The following GNAQ variants were observed in gnomAD, a reference collection of about 807,000 sequenced individuals.
The protein encoded by GNAQ is G protein subunit alpha q.
GNAQ carries 8 observed loss-of-function variants against 43.9 expected under a neutral mutation model. The observed-to-expected ratio is 0.18, with a 90% CI of 0.11 to 0.33. The LOEUF is 0.33. GNAQ is among the 10% of genes least tolerant of loss of function. The pLI, the probability that GNAQ is intolerant of heterozygous loss-of-function variation, is 1.00. For synonymous variants in GNAQ, 155 were observed against 170.7 expected, an observed-to-expected ratio of 0.91 and a Z score of 0.71; for missense variants, 158 against 450.8, an observed-to-expected ratio of 0.35 and a Z score of 5.88.
At chr9:77,995,923 TA>T (rs1308532958) in intron 1 of GNAQ, among the ~76,000 whole-genome samples, 7 of 152,190 alleles carry the variant, frequency 4.6e-5, no homozygotes, top group Non-Finnish European at 1.0e-4. Context: ...TCTCTAGAAG[TA>T]AAAAACTAAG....
intron 2 of GNAQ, among the ~76,000 whole-genome samples, chr9:77,834,657 C>G (rs1004459740): frequency 1.3e-5 from 2 of 152,146 alleles, no homozygotes; most frequent in Admixed American, 6.5e-5. Context: ...CTGAAACAAT[C>G]AGATTCCCAG....
chr9:78,008,627 T>A (rs532993392), intron 1 of GNAQ, among the ~76,000 whole-genome samples: 1 of 151,874 alleles, frequency 6.6e-6, no homozygotes, highest in South Asian at 2.1e-4. Flanking sequence ...TTCATTTTAT[T>A]TTATTTTTTG....
At chr9:77,942,808 G>A (rs1457445958) in intron 1 of GNAQ, among the ~76,000 whole-genome samples, 4 of 152,184 alleles carry the variant, frequency 2.6e-5, no homozygotes, top group African/African-American at 7.2e-5. Context: ...ATCAATAGCT[G>A]TGTCTGGCTT....
chr9:77,841,207 A>G (rs1023499505), intron 2 of GNAQ, among the ~76,000 whole-genome samples: 6 of 152,246 alleles, frequency 3.9e-5, no homozygotes, highest in Admixed American at 1.3e-4. Flanking sequence ...CTATAAAAGA[A>G]AAAAAGAAAA....
intron 1 of GNAQ, among the ~76,000 whole-genome samples, chr9:77,931,604 A>C (rs1409653508): frequency 5.9e-5 from 9 of 152,168 alleles, no homozygotes; most frequent in Admixed American, 5.9e-4. Flanking sequence ...CAAAAAAAAA[A>C]AAAGAACTCT....
chr9:77,782,096 C>A (rs926480896), intron 5 of GNAQ, among the ~76,000 whole-genome samples: 1 of 151,910 alleles, frequency 6.6e-6, no homozygotes, highest in African/African-American at 2.4e-5. Flanking sequence ...CTGAAAAAAA[C>A]TAACTTAAAA....
intron 2 of GNAQ, among the ~76,000 whole-genome samples, chr9:77,861,800 G>A (rs1332714767): frequency 1.3e-5 from 2 of 152,114 alleles, no homozygotes; most frequent in East Asian, 1.9e-4. Flanking sequence ...AGGAGTTCGA[G>A]ACCAGCCTGG....
chr9:77,877,273 A>G (rs1828140367), intron 2 of GNAQ, among the ~76,000 whole-genome samples: 1 of 152,248 alleles, frequency 6.6e-6, no homozygotes, highest in Non-Finnish European at 1.5e-5. Context: ...TCCATGTCAT[A>G]GAAACTATCA....
intron 1 of GNAQ, among the ~76,000 whole-genome samples, chr9:77,932,851 AG>A (rs1829172072): frequency 2.0e-5 from 3 of 152,166 alleles, no homozygotes; most frequent in Non-Finnish European, 4.4e-5. Context: ...ACAAATTAGT[AG>A]GGTATTCCAA....
At chr9:77,984,049 CAAAAAAAAAAAAA>C (rs72279886) in intron 1 of GNAQ, among the ~76,000 whole-genome samples, 26 of 67,958 alleles carry the variant, frequency 3.8e-4, no homozygotes, top group Admixed American at 6.3e-4. Context: ...TTTTGGAGAG[CAAAAAAAAAAAAA>C]AAAAAAAAAA....
chr9:77,973,841 G>C (rs990745575), intron 1 of GNAQ, among the ~76,000 whole-genome samples: 1 of 151,712 alleles, frequency 6.6e-6, no homozygotes, highest in African/African-American at 2.4e-5. Flanking sequence ...TCATTTTCTG[G>C]GTCTTCATGT....
intron 2 of GNAQ, among the ~76,000 whole-genome samples, chr9:77,855,654 C>A (rs1827742394): frequency 6.6e-6 from 1 of 152,002 alleles, no homozygotes; most frequent in Non-Finnish European, 1.5e-5. Context: ...CAAATGCCAT[C>A]ACTCATGTTA....
At chr9:77,786,961 T>C (rs1030556355) in intron 5 of GNAQ, among the ~76,000 whole-genome samples, 1 of 152,114 alleles carries the variant, frequency 6.6e-6, no homozygotes, top group Admixed American at 6.6e-5. Flanking sequence ...AATGGGTAAG[T>C]AAATTGTGGA....
chr9:77,752,902 T>C lies in GNAQ; in HGVS notation c.736-24235A>G, dbSNP rs530423940. 9.9e-5 allele frequency among the ~76,000 whole-genome samples: 15 copies of C among 151,912 alleles called. No individual in the cohort carries two copies. The East Asian group carries it at 1.2e-3, about 12-fold the overall frequency. ...GAGATTGAGGCCATGCTGGCTAACA[T>C]GGTGAAATCCTGTCTCTACTAAAAA... On this transcript the variant is annotated intron_variant, in intron 5 of 6. Transcript: ENST00000286548.
chr9:77,782,995 G>C (rs1024728654), intron 5 of GNAQ, among the ~76,000 whole-genome samples: 1 of 152,182 alleles, frequency 6.6e-6, no homozygotes, highest in Non-Finnish European at 1.5e-5. Context: ...AGGGGGAAGG[G>C]AGAAATAAAT....
chr9:77,774,962 A>C (rs946588890), intron 5 of GNAQ, among the ~76,000 whole-genome samples: 6 of 152,204 alleles, frequency 3.9e-5, no homozygotes, highest in African/African-American at 1.4e-4. Flanking sequence ...GTCTGAATTA[A>C]TCTTCCAGGC....
At chr9:77,787,959 G>C (rs770277019) in intron 5 of GNAQ, among the ~76,000 whole-genome samples, 17 of 152,182 alleles carry the variant, frequency 1.1e-4, no homozygotes, top group Non-Finnish European at 1.6e-4. Flanking sequence ...GAACCCGGGA[G>C]GCAGAGGCTG....
At chr9:77,863,323 A>G (rs1827890915) in intron 2 of GNAQ, among the ~76,000 whole-genome samples, 1 of 152,220 alleles carries the variant, frequency 6.6e-6, no homozygotes, top group Non-Finnish European at 1.5e-5. Flanking sequence ...TCTCTAGGGC[A>G]GGGGCAAAAC....
At chr9:77,925,375 A>G (rs1363694854) in intron 1 of GNAQ, among the ~76,000 whole-genome samples, 1 of 152,162 alleles carries the variant, frequency 6.6e-6, no homozygotes, top group African/African-American at 2.4e-5. Context: ...CTGGAAGCCA[A>G]TCATGATAAA....
Sources: gnomAD v4.1 joint callset for allele counts (sites outside exome capture counted in the v4.1 genomes callset) on GRCh38, gnomAD v4.1.1 for gene constraint, MANE v1.5 for transcripts, NCBI Gene and HGNC (gene_info 2026-07-23, HGNC 2026-07-21) for gene names.